VPS36: variants seen among roughly 807,000 people sequenced by gnomAD.
The protein encoded by VPS36 is vacuolar protein-sorting-associated protein 36.
A neutral mutation model predicts 63.5 loss-of-function variants in VPS36; 31 were observed. The observed-to-expected ratio is 0.49, with a 90% CI of 0.37 to 0.66. The LOEUF is 0.66. Ranked by LOEUF, VPS36 falls within the 30% of genes least tolerant of loss-of-function variation. VPS36 has a pLI of 0.00. For synonymous variants in VPS36, 138 were observed against 157.2 expected, an observed-to-expected ratio of 0.88 and a Z score of 0.91; for missense variants, 338 against 463.7, an observed-to-expected ratio of 0.73 and a Z score of 2.49.
At chr13:52,450,303 G>C (rs369256747) in intron 1 of VPS36, 196 bp downstream of exon 1, 6 of 1,164,288 alleles carry the variant, frequency 5.2e-6, no homozygotes, top group African/African-American at 1.6e-5. Context: ...AGGCAGCCGA[G>C]CGCCCCACGC....
At chr13:52,447,633 C>T (rs1958358617) in intron 1 of VPS36, among the ~76,000 whole-genome samples, 1 of 152,208 alleles carries the variant, frequency 6.6e-6, no homozygotes. Flanking sequence ...GTTTGCAATT[C>T]TAGCTCTACC....
rs1328346456 is a variant in VPS36 at position 52,414,873 on chromosome 13, G to GA, written c.*956_*957insT. Reference sequence around the variant, plus strand: ...GTATTAGCCAGTTGTTGTTATCTCAGTAACATTTCTTACCGAAGTAGTTTT... The same window carrying GA: ...GTATTAGCCAGTTGTTGTTATCTCAGATAACATTTCTTACCGAAGTAGTTTT... On this transcript the variant is annotated 3_prime_UTR_variant, in exon 14 of 14. Transcript: ENST00000378060. The GA allele has an allele frequency of 6.6e-6, 1 of 152,198 alleles. No individual in the cohort carries two copies. Among genetic ancestry groups the GA allele is most frequent in the African/African-American group, 2.4e-5 (1 of 41,438 alleles). The allele number at this position is 152,198 out of a possible 1,614,324, so 9.4% of individuals were successfully genotyped here.
At position 52,450,631 on chromosome 13, in the gene VPS36, G is replaced by T; in HGVS notation, c.-37C>A. ...CCCAGCCCCGGCCCTCCGAGGCCGC[G>T]AGCAGCGCGCCAGGCAGCCTGCGGC... is the stretch of plus-strand genomic sequence containing the variant. On this transcript the variant is annotated 5_prime_UTR_variant, in exon 1 of 14. Coordinates refer to ENST00000378060, the MANE Select transcript of VPS36 (RefSeq NM_016075.4). 6.5e-7 allele frequency: 1 copy of T among 1,536,718 alleles called. No individual in the cohort carries two copies. The highest frequency in any genetic ancestry group is 8.8e-7 in the Non-Finnish European group (1 of 1,140,378).
At chr13:52,438,763 T>C (rs1027252222) in intron 3 of VPS36, among the ~76,000 whole-genome samples, 2 of 152,230 alleles carry the variant, frequency 1.3e-5, no homozygotes, top group Admixed American at 1.3e-4. Flanking sequence ...TTCTGCTACC[T>C]GAACAAGTCA....
chr13:52,414,670 T>G lies in VPS36; in HGVS notation c.*1160A>C, dbSNP rs1476395242. ...CAAGGGTGCTCCCAATACAATACTT[T>G]CCCTCCCGCAGGCTTGGCCAAAACC... On this transcript the variant is annotated 3_prime_UTR_variant, in exon 14 of 14. Transcript: ENST00000378060. The G allele has an allele frequency of 1.3e-5, 2 of 152,142 alleles. No individual in the cohort carries two copies. Among genetic ancestry groups the G allele is most frequent in the Admixed American group, 6.6e-5 (1 of 15,258 alleles). The allele number at this position is 152,142 out of a possible 1,614,324, so 9.4% of individuals were successfully genotyped here. A position where few individuals can be genotyped will look rare whatever the true frequency, so the allele number is the denominator to read the frequency against.
chr13:52,413,090 T>G lies in VPS36; in HGVS notation c.*2740A>C, dbSNP rs902242450. On this transcript the variant is annotated 3_prime_UTR_variant, in exon 14 of 14. Coordinates refer to ENST00000378060, the MANE Select transcript of VPS36 (RefSeq NM_016075.4). Reference sequence around the variant, plus strand: ...TCAATTTTGTCCTTAGGCACGGTCTTTAAAACCTAACCACCTTACAAGTTG... The same window carrying G: ...TCAATTTTGTCCTTAGGCACGGTCTGTAAAACCTAACCACCTTACAAGTTG... The G allele has an allele frequency of 1.3e-5, 2 of 152,660 alleles. No individual in the cohort carries two copies. The highest frequency in any genetic ancestry group is 4.8e-5 in the African/African-American group (2 of 41,468). The allele number at this position is 152,660 out of a possible 1,614,324, so 9.5% of individuals were successfully genotyped here. A position where few individuals can be genotyped will look rare whatever the true frequency, so the allele number is the denominator to read the frequency against.
At chr13:52,419,937 A>C (rs1347242969) in intron 10 of VPS36, among the ~76,000 whole-genome samples, 3 of 152,086 alleles carry the variant, frequency 2.0e-5, no homozygotes, top group African/African-American at 4.8e-5. Context: ...TGGGTACAAA[A>C]ACACAATTAG....
intron 1 of VPS36, among the ~76,000 whole-genome samples, chr13:52,443,662 C>G (rs184041911): frequency 3.3e-5 from 5 of 152,272 alleles, no homozygotes; most frequent in Non-Finnish European, 7.4e-5. Context: ...GCTGAGCTGA[C>G]TAGGACATAC....
intron 1 of VPS36, among the ~76,000 whole-genome samples, chr13:52,445,594 G>C (rs182536556): frequency 0.016 from 2,281 of 139,624 alleles, 65 homozygotes; most frequent in African/African-American, 0.057. Flanking sequence ...AGCTGAGATC[G>C]TGCCATTGCA....
At chr13:52,444,377 A>G (rs919909489) in intron 1 of VPS36, among the ~76,000 whole-genome samples, 19 of 151,734 alleles carry the variant, frequency 1.3e-4, no homozygotes, top group African/African-American at 3.6e-4. Context: ...GGAGAATGGC[A>G]TGAACCCGGG....
chr13:52,442,604 C>T (rs1031669575), intron 1 of VPS36, among the ~76,000 whole-genome samples, 159 bp from the exon 2 acceptor site: 1 of 152,158 alleles, frequency 6.6e-6, no homozygotes, highest in East Asian at 1.9e-4. Flanking sequence ...ATGCTACATA[C>T]TTCATAAGCT....
At chr13:52,420,113 C>T (rs901510909) in intron 10 of VPS36, among the ~76,000 whole-genome samples, 7 of 151,546 alleles carry the variant, frequency 4.6e-5, no homozygotes, top group South Asian at 2.1e-4. Flanking sequence ...TGGTAGCCGT[C>T]GCCTGTAATT....
At chr13:52,425,057 G>T (rs1594115156) in intron 9 of VPS36, among the ~76,000 whole-genome samples, 1 of 151,402 alleles carries the variant, frequency 6.6e-6, no homozygotes, top group Non-Finnish European at 1.5e-5. Context: ...TCAGGAGATT[G>T]AGACTACGGT....
chr13:52,428,566 G>C (rs772281559), intron 6 of VPS36, among the ~76,000 whole-genome samples: 7 of 152,220 alleles, frequency 4.6e-5, no homozygotes, highest in Non-Finnish European at 8.8e-5. Context: ...TTATCAGCTA[G>C]AGCCAGCAGA....
chr13:52,435,557 A>G (rs1211003685), intron 4 of VPS36, among the ~76,000 whole-genome samples: 2 of 152,176 alleles, frequency 1.3e-5, no homozygotes, highest in East Asian at 1.9e-4. Flanking sequence ...ATATACAACC[A>G]TTCTCCATGA....
intron 12 of VPS36, chr13:52,416,339 T>C (rs1957992068): frequency 4.2e-6 from 2 of 471,740 alleles, no homozygotes; most frequent in Admixed American, 3.9e-5. Context: ...AAGCTCTCTA[T>C]AATGTAACAG....
rs140002724 is a variant in VPS36, at chr13:52,439,172, G to A, written c.166-4C>T. 4.4e-4 allele frequency: 709 copies of A among 1,612,754 alleles called. 6 individuals are homozygous for A. The African/African-American group carries it at 8.2e-3, about 19-fold the overall frequency. ...GGAGAATGGCCATGCAACACTCCTA[G>A]GAGGAAATCAATAGCTTAAATGAAA... is the stretch of plus-strand genomic sequence containing the variant. On this transcript the variant is annotated splice_region_variant and splice_polypyrimidine_tract_variant and intron_variant, in intron 2 of 13. Coordinates refer to ENST00000378060, the MANE Select transcript of VPS36 (RefSeq NM_016075.4).
At position 52,418,154 on chromosome 13, in the gene VPS36, T is replaced by A. The variant is rs1594111535; in HGVS notation, c.841-98A>T. On this transcript the variant is annotated intron_variant, in intron 10 of 13. Transcript: ENST00000378060. Reference sequence around the variant, plus strand: ...ATTACCATTTATCAATAATTTTAGGTGATTTAATCACTACAAAGCAAAAAA... The same window carrying A: ...ATTACCATTTATCAATAATTTTAGGAGATTTAATCACTACAAAGCAAAAAA... 1.5e-5 allele frequency: 17 copies of A among 1,114,888 alleles called. No homozygotes were observed. The East Asian group carries it at 3.2e-4, about 21-fold the overall frequency. 69.1% of individuals were successfully genotyped at this position (1,114,888 alleles called of 1,614,324 possible).
intron 9 of VPS36, among the ~76,000 whole-genome samples, chr13:52,423,880 T>C (rs1228231863): frequency 2.0e-5 from 3 of 152,198 alleles, no homozygotes; most frequent in East Asian, 3.9e-4. Context: ...TTTTTTGAGA[T>C]GGAGTTTCTC....
Sources: allele counts gnomAD v4.1 joint callset (sites outside exome capture counted in the v4.1 genomes callset), GRCh38; gene constraint gnomAD v4.1.1; transcripts MANE v1.5; gene names NCBI Gene and HGNC (gene_info 2026-07-23, HGNC 2026-07-21).